The following SNX7 variants were observed in gnomAD, a reference collection of about 807,000 sequenced individuals.
SNX7 encodes the protein sorting nexin 7.
In SNX7, 35 loss-of-function variants were observed where a neutral mutation model predicts 48.4. That is an observed-to-expected ratio of 0.72 (90% CI 0.55 to 0.96). The LOEUF (loss-of-function observed/expected upper bound fraction) is 0.96. Ranked by LOEUF, SNX7 falls within the 40% of genes least tolerant of loss-of-function variation. SNX7 has a pLI of 0.00. For missense variants in SNX7, 553 were observed against 548.9 expected, an observed-to-expected ratio of 1.01 and a Z score of -0.07; for synonymous variants, 190 against 190.2, an observed-to-expected ratio of 1.00 and a Z score of 0.01.
chr1:98,691,259 C>G (rs958310916), intron 3 of SNX7, 74 bp downstream of exon 3: 1 of 829,468 alleles, frequency 1.2e-6, no homozygotes, highest in Non-Finnish European at 1.9e-6. Flanking sequence ...TGCCTAAAAC[C>G]TAATTTCAGA....
rs1305975605 is a variant in SNX7 at position 98,760,253 on chromosome 1, C to T, written c.*122C>T. 4.2e-6 allele frequency: 3 copies of T among 716,258 alleles called. No homozygotes were observed. Among genetic ancestry groups the T allele is most frequent in the Admixed American group, 5.0e-5 (2 of 40,258 alleles). 44.4% of individuals were successfully genotyped at this position (716,258 alleles called of 1,614,324 possible). On this transcript the variant is annotated 3_prime_UTR_variant, in exon 9 of 9. Coordinates refer to ENST00000306121, the MANE Select transcript of SNX7 (RefSeq NM_015976.5). ...AATGTTTTGTACCCATCTGGAAAACCAACAACTTGAAATCTCAGGTATTCC... is the reference window on the plus strand; with the variant it reads ...AATGTTTTGTACCCATCTGGAAAACTAACAACTTGAAATCTCAGGTATTCC...
At chr1:98,671,719 A>C (rs1649875918) in intron 1 of SNX7, among the ~76,000 whole-genome samples, 1 of 152,110 alleles carries the variant, frequency 6.6e-6, no homozygotes, top group South Asian at 2.1e-4. Context: ...ATAGACAAAA[A>C]CCACTCATCT....
chr1:98,692,522 A>G (rs1651196359), intron 4 of SNX7, among the ~76,000 whole-genome samples: 1 of 152,132 alleles, frequency 6.6e-6, no homozygotes, highest in Non-Finnish European at 1.5e-5. Flanking sequence ...GTATTATTTC[A>G]GGTTTATAGT....
intron 7 of SNX7, among the ~76,000 whole-genome samples, chr1:98,703,025 A>G (rs1434174180): frequency 6.6e-6 from 1 of 151,980 alleles, no homozygotes; most frequent in Non-Finnish European, 1.5e-5. Context: ...ACTTCCTAAC[A>G]TATGACTTCC....
At chr1:98,707,757 T>C (rs1435246277) in intron 7 of SNX7, among the ~76,000 whole-genome samples, 1 of 152,188 alleles carries the variant, frequency 6.6e-6, no homozygotes, top group Non-Finnish European at 1.5e-5. Context: ...TAGCAGTATA[T>C]TTATGTGAGC....
rs79062174 is a variant in SNX7, at chr1:98,727,590, G to A, written c.1126-10647G>A. Among the ~76,000 whole-genome samples, 152 of 152,142 alleles carry A rather than the reference G, an allele frequency of 1.0e-3. 3 individuals are homozygous for A. The East Asian group carries it at 0.028, about 28-fold the overall frequency. On this transcript the variant is annotated intron_variant, in intron 7 of 8. Transcript: ENST00000306121. Reference sequence around the variant, plus strand: ...AATAACGAACTCAACTGAGCTAAAGGAGCATATTCTAACTCATTACAAAGA... The same window carrying A: ...AATAACGAACTCAACTGAGCTAAAGAAGCATATTCTAACTCATTACAAAGA...
rs1649234904 is a variant in SNX7, at chr1:98,661,794, C to G, written c.63C>G (p.Asn21Lys). 8.0e-7 allele frequency: 1 copy of G among 1,244,318 alleles called. No homozygotes were observed. The allele number at this position is 1,244,318 out of a possible 1,614,324, so 77.1% of individuals were successfully genotyped here. ...CGGGCCTCCCGGCCGGGGGCGCCAA[C>G]GGGGAGAGCCCGGGGGGCGGCGCCC... ...PSSGLPAGGA[N>K]GESPGGGAPF... The change falls in exon 1 of 9, where the codon AAC becomes AAG. Residue 21 changes from asparagine to lysine, a missense_variant. Transcript: ENST00000306121.
At chr1:98,680,857 T>C (rs1287339815) in intron 1 of SNX7, among the ~76,000 whole-genome samples, 1 of 152,196 alleles carries the variant, frequency 6.6e-6, no homozygotes, top group Non-Finnish European at 1.5e-5. Context: ...GTTCCAAACT[T>C]TCCCACATTT....
At chr1:98,732,769 A>G (rs1653581312) in intron 7 of SNX7, among the ~76,000 whole-genome samples, 1 of 152,120 alleles carries the variant, frequency 6.6e-6, no homozygotes, top group Non-Finnish European at 1.5e-5. Flanking sequence ...GAGGATTATC[A>G]TTTTAGAGGA....
At chr1:98,687,842 A>T (rs1395465601) in intron 2 of SNX7, among the ~76,000 whole-genome samples, 1 of 152,142 alleles carries the variant, frequency 6.6e-6, no homozygotes, top group African/African-American at 2.4e-5. Flanking sequence ...TCTTACATGG[A>T]AGCAGGCAAG....
At chr1:98,712,072 C>T (rs1420471932) in intron 7 of SNX7, among the ~76,000 whole-genome samples, 1 of 152,186 alleles carries the variant, frequency 6.6e-6, no homozygotes, top group Non-Finnish European at 1.5e-5. Context: ...GGCTCTACTT[C>T]TAATTATAGT....
At chr1:98,754,995 G>A (rs930840093) in intron 8 of SNX7, among the ~76,000 whole-genome samples, 2 of 151,790 alleles carry the variant, frequency 1.3e-5, no homozygotes, top group African/African-American at 4.8e-5. Context: ...TTGATGTGTT[G>A]TGTTTTCATA....
At chr1:98,700,160 A>G (rs1248128356) in intron 6 of SNX7, among the ~76,000 whole-genome samples, 1 of 152,184 alleles carries the variant, frequency 6.6e-6, no homozygotes, top group African/African-American at 2.4e-5. Context: ...TAATTTTTAG[A>G]TGCCTAGGGT....
intron 7 of SNX7, among the ~76,000 whole-genome samples, chr1:98,725,575 A>C (rs192383806): frequency 6.6e-6 from 1 of 152,224 alleles, no homozygotes; most frequent in East Asian, 1.9e-4. Flanking sequence ...GCCTAAAAAG[A>C]TGTTTGGAAG....
intron 1 of SNX7, among the ~76,000 whole-genome samples, chr1:98,676,687 A>C (rs1439134109): frequency 6.6e-6 from 1 of 152,232 alleles, no homozygotes; most frequent in African/African-American, 2.4e-5. Context: ...AAACAAGTCC[A>C]TATTATGATT....
intron 7 of SNX7, among the ~76,000 whole-genome samples, chr1:98,719,662 C>G (rs1177187074): frequency 6.6e-6 from 1 of 151,322 alleles, no homozygotes; most frequent in Non-Finnish European, 1.5e-5. Context: ...GCAGAAGTTT[C>G]TAGTTTTTAT....
At chr1:98,695,120 G>A (rs1379705105) in intron 4 of SNX7, among the ~76,000 whole-genome samples, 1 of 152,102 alleles carries the variant, frequency 6.6e-6, no homozygotes, top group African/African-American at 2.4e-5. Context: ...ATTTTTTGGA[G>A]TATAACTTAG....
At chr1:98,721,379 G>A (rs936872807) in intron 7 of SNX7, among the ~76,000 whole-genome samples, 1 of 152,102 alleles carries the variant, frequency 6.6e-6, no homozygotes, top group Non-Finnish European at 1.5e-5. Flanking sequence ...ATGCATAGCA[G>A]TTAAATATAA....
At chr1:98,708,406 T>G (rs1251696304) in intron 7 of SNX7, among the ~76,000 whole-genome samples, 2 of 152,120 alleles carry the variant, frequency 1.3e-5, no homozygotes, top group Non-Finnish European at 2.9e-5. Context: ...ACCAGTCACA[T>G]GGAGTGGGAA....
Sources: gnomAD v4.1 joint callset for allele counts (sites outside exome capture counted in the v4.1 genomes callset) on GRCh38, gnomAD v4.1.1 for gene constraint, MANE v1.5 for transcripts, NCBI Gene and HGNC (gene_info 2026-07-23, HGNC 2026-07-21) for gene names.